The following MCTP1 variants were observed in gnomAD, a reference collection of about 807,000 sequenced individuals.
MCTP1 encodes multiple C2 and transmembrane domain containing 1, also known as multiple C2 and transmembrane domain-containing protein 1.
In MCTP1, 69 loss-of-function variants were observed where a neutral mutation model predicts 120.6. The ratio of observed to expected loss-of-function variants is 0.57; its 90% CI spans 0.47 to 0.70. MCTP1 has a LOEUF of 0.70. Among genes scored for constraint, MCTP1 ranks in the 30% least tolerant of loss-of-function variants. The pLI, the probability that MCTP1 is intolerant of heterozygous loss-of-function variation, is 0.00. For synonymous variants in MCTP1, 529 were observed against 493.1 expected, an observed-to-expected ratio of 1.07 and a Z score of -0.96; for missense variants, 1,203 against 1,248.8, an observed-to-expected ratio of 0.96 and a Z score of 0.55.
intron 1 of MCTP1, among the ~76,000 whole-genome samples, chr5:95,155,190 T>A (rs963431940): frequency 3.3e-5 from 5 of 152,130 alleles, no homozygotes; most frequent in African/African-American, 1.2e-4. Flanking sequence ...ACTAGGCAAA[T>A]AAGGGAGAAT....
At chr5:94,901,429 G>A (rs1173836019) in intron 10 of MCTP1, among the ~76,000 whole-genome samples, 1 of 152,048 alleles carries the variant, frequency 6.6e-6, no homozygotes, top group African/African-American at 2.4e-5. Context: ...CAATTTTAGA[G>A]TTACTTTCCC....
chr5:95,119,256 C>T (rs1465059016), intron 1 of MCTP1, among the ~76,000 whole-genome samples: 5 of 152,008 alleles, frequency 3.3e-5, no homozygotes, highest in African/African-American at 1.2e-4. Flanking sequence ...TACAGACATA[C>T]AGAAATTTAA....
At chr5:95,024,900 TGATGGGAGATATTGAA>T (rs1838947442) in intron 1 of MCTP1, among the ~76,000 whole-genome samples, 1 of 152,026 alleles carries the variant, frequency 6.6e-6, no homozygotes, top group African/African-American at 2.4e-5. Flanking sequence ...TATAGAACAT[TGATGGGAGATATTGAA>T]GATGACACAC....
intron 2 of MCTP1, among the ~76,000 whole-genome samples, chr5:94,983,022 A>G (rs2153600184): frequency 6.6e-6 from 1 of 151,922 alleles, no homozygotes; most frequent in Non-Finnish European, 1.5e-5. Context: ...GGGATTTAAC[A>G]TGCTACTGCT....
intron 1 of MCTP1, among the ~76,000 whole-genome samples, chr5:95,212,080 TG>T (rs1752450923): frequency 6.6e-6 from 1 of 152,102 alleles, no homozygotes; most frequent in South Asian, 2.1e-4. Flanking sequence ...ATCCAGGAGT[TG>T]GTTTTTTGAA....
rs1302190642 is a variant in MCTP1, at chr5:95,283,895, A to AGACTCCGCGG, written c.671_680dup (p.Ala229GlyfsTer25). On this transcript the variant is annotated frameshift_variant, in exon 1 of 23. Coordinates refer to ENST00000515393, the MANE Select transcript of MCTP1 (RefSeq NM_024717.7). LOFTEE classifies it high-confidence loss of function. The stretch of plus-strand genomic sequence containing the variant: ...GCTCCTCGCCCGTCTCCGGGGCCCG[A>AGACTCCGCGG]GACTCCGCGGGACTCCGCGCCGGCT... 6 of 1,381,758 alleles carry AGACTCCGCGG rather than the reference A, an allele frequency of 4.3e-6. No homozygotes were observed. Among genetic ancestry groups the AGACTCCGCGG allele is most frequent in the African/African-American group, 1.5e-5 (1 of 65,344 alleles). The allele number at this position is 1,381,758 out of a possible 1,614,324, so 85.6% of individuals were successfully genotyped here. A position where few individuals can be genotyped will look rare whatever the true frequency, so the allele number is the denominator to read the frequency against.
In MCTP1 at chr5:94,703,896, C is replaced by T. The variant is rs1032752728; in HGVS notation, c.*3600G>A. 6.7e-6 allele frequency: 1 copy of T among 150,300 alleles called. No individual in the cohort carries two copies. Among genetic ancestry groups the T allele is most frequent in the Non-Finnish European group, 1.5e-5 (1 of 67,464 alleles). 9.3% of individuals were successfully genotyped at this position (150,300 alleles called of 1,614,324 possible). A position where few individuals can be genotyped will look rare whatever the true frequency, so the allele number is the denominator to read the frequency against. On this transcript the variant is annotated 3_prime_UTR_variant, in exon 23 of 23. Coordinates refer to ENST00000515393, the MANE Select transcript of MCTP1 (RefSeq NM_024717.7). ...TCAATAGTATTTCTCAAATTTTAGC[C>T]ATTCAGCTGAAGTAAATCTTATGTG... is the stretch of plus-strand genomic sequence containing the variant.
intron 19 of MCTP1, among the ~76,000 whole-genome samples, chr5:94,776,560 T>C (rs1456381519): frequency 6.6e-6 from 1 of 152,162 alleles, no homozygotes; most frequent in African/African-American, 2.4e-5. Context: ...CAACATATGC[T>C]TCAGGTTCAA....
chr5:94,724,060 CAT>C (rs1186647472), intron 19 of MCTP1, among the ~76,000 whole-genome samples: 71 of 152,244 alleles, frequency 4.7e-4, no homozygotes, highest in African/African-American at 1.5e-3. Context: ...ACACAAATGA[CAT>C]AAAGTCAAGA....
At chr5:94,777,773 A>G (rs890835817) in intron 19 of MCTP1, among the ~76,000 whole-genome samples, 2 of 152,178 alleles carry the variant, frequency 1.3e-5, no homozygotes, top group Non-Finnish European at 2.9e-5. Context: ...TAACATTAAA[A>G]ACAAGCACAT....
chr5:94,970,809 A>G (rs1302225371), intron 2 of MCTP1, among the ~76,000 whole-genome samples: 1 of 151,882 alleles, frequency 6.6e-6, no homozygotes, highest in Non-Finnish European at 1.5e-5. Flanking sequence ...AAATCAGAAT[A>G]TTTTAAAAAA....
chr5:94,855,029 G>C (rs1348120340), intron 17 of MCTP1, among the ~76,000 whole-genome samples: 1 of 151,760 alleles, frequency 6.6e-6, no homozygotes, highest in Non-Finnish European at 1.5e-5. Flanking sequence ...ACAGAAAAAT[G>C]TTCTTTTCCA....
At chr5:95,060,661 A>T (rs1161172552) in intron 1 of MCTP1, among the ~76,000 whole-genome samples, 1 of 152,186 alleles carries the variant, frequency 6.6e-6, no homozygotes, top group Non-Finnish European at 1.5e-5. Flanking sequence ...TTTAGATGAC[A>T]TATTAAAACA....
chr5:95,229,003 G>T (rs1562258798), intron 1 of MCTP1, among the ~76,000 whole-genome samples: 1 of 152,154 alleles, frequency 6.6e-6, no homozygotes, highest in Non-Finnish European at 1.5e-5. Context: ...TTGTAGCAAT[G>T]CAAGAATGAA....
At chr5:94,718,623 G>T (rs1014424659) in intron 19 of MCTP1, among the ~76,000 whole-genome samples, 1 of 151,906 alleles carries the variant, frequency 6.6e-6, no homozygotes, top group Non-Finnish European at 1.5e-5. Flanking sequence ...TCTGACAAAG[G>T]TCTAATATCC....
chr5:94,933,416 C>A (rs954607237), intron 5 of MCTP1, among the ~76,000 whole-genome samples: 2 of 151,678 alleles, frequency 1.3e-5, no homozygotes, highest in Non-Finnish European at 3.0e-5. Flanking sequence ...ACCATCACTT[C>A]CTCCATCATC....
intron 1 of MCTP1, among the ~76,000 whole-genome samples, chr5:95,226,631 TC>T (rs1754309963): frequency 6.6e-6 from 1 of 152,104 alleles, no homozygotes; most frequent in African/African-American, 2.4e-5. Context: ...GGCTCCTTTC[TC>T]TATTTTCCAT....
chr5:94,943,345 A>G (rs1043480275), intron 3 of MCTP1, among the ~76,000 whole-genome samples: 1 of 152,022 alleles, frequency 6.6e-6, no homozygotes, highest in African/African-American at 2.4e-5. Context: ...CAGGAGAGGG[A>G]CTGATGTGTT....
intron 8 of MCTP1, among the ~76,000 whole-genome samples, chr5:94,913,705 CT>C (rs1008096947): frequency 1.0e-4 from 15 of 148,888 alleles, no homozygotes; most frequent in Admixed American, 2.7e-4. Flanking sequence ...TTTTATTATT[CT>C]TTTTTTTTTC....
Sources: allele counts gnomAD v4.1 joint callset (sites outside exome capture counted in the v4.1 genomes callset), GRCh38; gene constraint gnomAD v4.1.1; transcripts MANE v1.5; gene names NCBI Gene and HGNC (gene_info 2026-07-23, HGNC 2026-07-21).